The following CHRNB3 variants were observed in gnomAD, a reference collection of about 807,000 sequenced individuals.
CHRNB3 encodes neuronal acetylcholine receptor subunit beta-3.
A neutral mutation model predicts 40.6 loss-of-function variants in CHRNB3; 37 were observed. The ratio of observed to expected loss-of-function variants is 0.91; its 90% CI spans 0.70 to 1.20. CHRNB3 has a LOEUF of 1.20. Ranked by LOEUF, CHRNB3 falls within the 50% of genes most tolerant of loss-of-function variation. CHRNB3 has a pLI of 0.00. For synonymous variants in CHRNB3, 207 were observed against 207.1 expected, an observed-to-expected ratio of 1.00 and a Z score of 0.00; for missense variants, 505 against 551.2, an observed-to-expected ratio of 0.92 and a Z score of 0.84.
In CHRNB3 at chr8:42,736,696, T is replaced by G; in HGVS notation, c.*78T>G. On this transcript the variant is annotated 3_prime_UTR_variant, in exon 6 of 6. Coordinates refer to ENST00000289957, the MANE Select transcript of CHRNB3 (RefSeq NM_000749.5). ...CACACAGACAGAATCCAAATGCATG[T>G]GCTTGTTCTACGAACCCCGAATGCG... 6.5e-7 allele frequency: 1 copy of G among 1,545,938 alleles called. No homozygotes were observed.
chr8:42,730,061 G>A (rs1816377293), intron 3 of CHRNB3, among the ~76,000 whole-genome samples: 1 of 152,148 alleles, frequency 6.6e-6, no homozygotes, highest in Non-Finnish European at 1.5e-5. Context: ...AAAATGCTGG[G>A]AAAACATTTT....
At chr8:42,732,634 G>C in intron 5 of CHRNB3, 85 bp downstream of exon 5, 1 of 1,294,916 alleles carries the variant, frequency 7.7e-7, no homozygotes, top group Non-Finnish European at 1.0e-6. Flanking sequence ...ATAAAATATT[G>C]TCATGGTTTA....
intron 3 of CHRNB3, among the ~76,000 whole-genome samples, chr8:42,711,529 G>T (rs947696252): frequency 6.6e-6 from 1 of 151,762 alleles, no homozygotes; most frequent in African/African-American, 2.4e-5. Flanking sequence ...TAAGTAGCTG[G>T]GATTACAGGT....
At chr8:42,719,701 G>A (rs1816184997) in intron 3 of CHRNB3, among the ~76,000 whole-genome samples, 2 of 152,088 alleles carry the variant, frequency 1.3e-5, no homozygotes, top group Admixed American at 6.5e-5. Context: ...CAGGGAGAAC[G>A]CTCTGTGATT....
rs924305383 is a variant in CHRNB3 at position 42,732,084 on chromosome 8, G to A, written c.777G>A (p.Ser259=). ...CAGTTCTTGTGTTCTATTTACCTTCGGATGAAGGAGAAAAACTTTCATTAT... is the reference window on the plus strand; with the variant it reads ...CAGTTCTTGTGTTCTATTTACCTTCAGATGAAGGAGAAAAACTTTCATTAT... ...FLTVLVFYLP[S]DEGEKLSLST... The change falls in exon 5 of 6, where the codon TCG becomes TCA. Residue 259 remains serine, a synonymous_variant. Coordinates refer to ENST00000289957, the MANE Select transcript of CHRNB3 (RefSeq NM_000749.5). 3 of 1,613,816 alleles carry A rather than the reference G, an allele frequency of 1.9e-6. No individual in the cohort carries two copies. Among genetic ancestry groups the A allele is most frequent in the Non-Finnish European group, 1.7e-6 (2 of 1,180,010 alleles).
chr8:42,712,427 A>C (rs1816032014), intron 3 of CHRNB3, among the ~76,000 whole-genome samples: 1 of 152,188 alleles, frequency 6.6e-6, no homozygotes, highest in African/African-American at 2.4e-5. Context: ...GCTTCATTTC[A>C]TGTCATCAAA....
intron 4 of CHRNB3, among the ~76,000 whole-genome samples, chr8:42,731,433 T>A (rs1159992565): frequency 6.6e-6 from 1 of 152,000 alleles, no homozygotes; most frequent in Non-Finnish European, 1.5e-5. Flanking sequence ...CCGGTGCCTG[T>A]AATCCCAGCT....
rs766845736 is a variant in CHRNB3 at position 42,732,268 on chromosome 8, C to A, written c.961C>A (p.His321Asn). 15 of 1,609,670 alleles carry A rather than the reference C, an allele frequency of 9.3e-6. No homozygotes were observed. Among genetic ancestry groups the A allele is most frequent in the Admixed American group, 3.4e-5 (2 of 58,842 alleles). ...TGTTACCGTGTTTGTCATTAACGTT[C>A]ACCACAGATCTTCTTCCACGTACCA... is the stretch of plus-strand genomic sequence containing the variant. The part of the protein sequence containing the change: ...IIVTVFVINV[H>N]HRSSSTYHPM... Residue 321 changes from histidine to asparagine, a missense_variant, in exon 5 of 6, where the codon CAC becomes AAC. Physicochemically the swap from His to Asn is moderately conservative, Grantham distance 68. Transcript: ENST00000289957.
At chr8:42,706,233 G>A (rs1005118059) in intron 1 of CHRNB3, among the ~76,000 whole-genome samples, 6 of 152,142 alleles carry the variant, frequency 3.9e-5, no homozygotes, top group East Asian at 1.9e-4. Flanking sequence ...TCTGGGAATC[G>A]CAGACTGGCC....
chr8:42,725,460 G>C, intron 3 of CHRNB3: 3 of 640,540 alleles, frequency 4.7e-6, no homozygotes, highest in South Asian at 3.5e-5. Flanking sequence ...CTTCTCTGAA[G>C]ATACTTGATA....
At chr8:42,725,844 T>G in intron 3 of CHRNB3, 1 of 818,264 alleles carries the variant, frequency 1.2e-6, no homozygotes, top group Non-Finnish European at 2.1e-6. Flanking sequence ...TACGCAGCAT[T>G]TTTAGGTTCT....
intron 3 of CHRNB3, among the ~76,000 whole-genome samples, chr8:42,712,068 C>A (rs918550958): frequency 6.6e-6 from 1 of 152,120 alleles, no homozygotes; most frequent in Non-Finnish European, 1.5e-5. Flanking sequence ...TCTCGGCTCA[C>A]TGCAACCTCC....
Position 42,732,442 on chromosome 8 carries a change from A to G in CHRNB3, c.1135A>G (p.Lys379Glu). ...CAAAGTCCTCGAAAAAAAGAAACAG[A>G]AACAGCTTAGTGATGGAGAAAAAGT... ...KGKVLEKKKQ[K>E]QLSDGEKVLV... The change falls in exon 5 of 6, where the codon AAA becomes GAA. Residue 379 changes from lysine (K) to glutamate (E), a missense_variant. Lys to Glu is a moderately conservative substitution (Grantham distance 56). Transcript: ENST00000289957. 1 of 1,614,098 alleles carries G rather than the reference A, an allele frequency of 6.2e-7. No individual in the cohort carries two copies. Among genetic ancestry groups the G allele is most frequent in the Non-Finnish European group, 8.5e-7 (1 of 1,180,022 alleles).
intron 1 of CHRNB3, among the ~76,000 whole-genome samples, chr8:42,702,768 A>C (rs1331310561): frequency 1.3e-5 from 2 of 152,148 alleles, no homozygotes; most frequent in Non-Finnish European, 2.9e-5. Context: ...TCTCAAAAAA[A>C]ATAAAAAGAA....
intron 4 of CHRNB3, among the ~76,000 whole-genome samples, chr8:42,731,001 T>C (rs1038399848): frequency 1.4e-5 from 2 of 138,574 alleles, no homozygotes; most frequent in Admixed American, 7.0e-5. Flanking sequence ...TGAGCCGAGA[T>C]TGCGCCACTG....
At chr8:42,717,187 A>C (rs970244529) in intron 3 of CHRNB3, among the ~76,000 whole-genome samples, 1 of 133,894 alleles carries the variant, frequency 7.5e-6, no homozygotes, top group African/African-American at 3.0e-5. Flanking sequence ...TCCCGGCTAA[A>C]ACGGTGAAAC....
At chr8:42,716,178 T>C (rs1816100592) in intron 3 of CHRNB3, among the ~76,000 whole-genome samples, 1 of 152,064 alleles carries the variant, frequency 6.6e-6, no homozygotes, top group Non-Finnish European at 1.5e-5. Context: ...GGTTTCATCA[T>C]GTTGGCCAGG....
intron 3 of CHRNB3, among the ~76,000 whole-genome samples, chr8:42,726,405 T>TA (rs1403960244): frequency 1.3e-5 from 2 of 151,800 alleles, no homozygotes; most frequent in Admixed American, 6.6e-5. Flanking sequence ...TCACAGGACA[T>TA]ACGGTCAAAA....
chr8:42,733,579 C>T (rs1816464943), intron 5 of CHRNB3, among the ~76,000 whole-genome samples: 1 of 149,500 alleles, frequency 6.7e-6, no homozygotes, highest in South Asian at 2.1e-4. Flanking sequence ...TAATTATCAT[C>T]CTCATCCTTC....
Sources: gnomAD v4.1 joint callset for allele counts (sites outside exome capture counted in the v4.1 genomes callset) on GRCh38, gnomAD v4.1.1 for gene constraint, MANE v1.5 for transcripts, NCBI Gene and HGNC (gene_info 2026-07-23, HGNC 2026-07-21) for gene names.